Variants in OR8K3 observed in about 807,000 individuals in gnomAD.
OR8K3 encodes olfactory receptor 8K3.
For missense variants in OR8K3, 448 were observed against 367.4 expected, an observed-to-expected ratio of 1.22 and a Z score of -1.79; for synonymous variants, 167 against 138.8, an observed-to-expected ratio of 1.20 and a Z score of -1.43.
rs1478892280 is a variant in OR8K3, at chr11:56,319,900, T to G, written c.*655T>G. Reference sequence around the variant, plus strand: ...AGCTCAATAATCGGTAAATTCTGATTAGCACCTGATTTTGTTTCAGTTAGC... The same window carrying G: ...AGCTCAATAATCGGTAAATTCTGATGAGCACCTGATTTTGTTTCAGTTAGC... On this transcript the variant is annotated 3_prime_UTR_variant, in exon 3 of 3. Transcript: ENST00000641662. 6.6e-6 allele frequency: 1 copy of G among 152,244 alleles called. No homozygotes were observed. The highest frequency in any genetic ancestry group is 1.5e-5 in the Non-Finnish European group (1 of 68,068). The allele number at this position is 152,244 out of a possible 1,614,324, so 9.4% of individuals were successfully genotyped here.
Position 56,318,493 on chromosome 11 carries a change from C to T in OR8K3, c.187C>T (p.Leu63Phe). 6.2e-7 allele frequency: 1 copy of T among 1,614,052 alleles called. No homozygotes were observed. Among genetic ancestry groups the T allele is most frequent in the Non-Finnish European group, 8.5e-7 (1 of 1,179,948 alleles). ...GTTGCAAACCCCTATGTACTTTTTT[C>T]TCAGACATCTGGCTTTCATGGATCT... Reference protein sequence around the residue: ...SRLQTPMYFFLRHLAFMDLGY... With the variant: ...SRLQTPMYFFFRHLAFMDLGY... The change falls in exon 3 of 3, where the codon CTC (leucine) becomes TTC (phenylalanine). Residue 63 changes from leucine to phenylalanine, a missense_variant. Coordinates refer to ENST00000641662, the MANE Select transcript of OR8K3 (RefSeq NM_001005202.2).
rs1854487213 is a variant in OR8K3 at position 56,318,986 on chromosome 11, G to C, written c.680G>C (p.Arg227Thr). 1 of 1,613,962 alleles carries C rather than the reference G, an allele frequency of 6.2e-7. No homozygotes were observed. Among genetic ancestry groups the C allele is most frequent in the Admixed American group, 1.7e-5 (1 of 59,990 alleles). ...SYLLILVAIL[R>T]MNSAGRQKAF... ...CTGCTCATCCTTGTAGCCATTCTCA[G>C]GATGAATTCTGCTGGCAGACAAAAG... Residue 227 changes from arginine to threonine, a missense_variant, in exon 3 of 3, where the codon AGG becomes ACG. Physicochemically the swap from Arg to Thr is moderately conservative, Grantham distance 71. Transcript: ENST00000641662.
intron 2 of OR8K3, among the ~76,000 whole-genome samples, chr11:56,317,843 TAATC>T (rs1565107907): frequency 3.9e-5 from 6 of 152,158 alleles, no homozygotes; most frequent in African/African-American, 1.4e-4. Context: ...TGTTCATCCA[TAATC>T]TATCTATCTA....
intron 1 of OR8K3, among the ~76,000 whole-genome samples, 182 bp from the exon 2 acceptor site, chr11:56,315,818 T>C (rs1010571584): frequency 6.6e-6 from 1 of 151,528 alleles, no homozygotes; most frequent in African/African-American, 2.4e-5. Context: ...GAAAATAAAA[T>C]TAGGAGACTG....
chr11:56,317,759 T>C (rs947857821), intron 2 of OR8K3, among the ~76,000 whole-genome samples: 2 of 152,172 alleles, frequency 1.3e-5, no homozygotes, highest in Non-Finnish European at 2.9e-5. Context: ...TTTTTAACTT[T>C]AAAATTTTTC....
chr11:56,319,144 G>T lies in OR8K3; in HGVS notation c.838G>T (p.Val280Phe). Residue 280 changes from valine to phenylalanine, a missense_variant, in exon 3 of 3, where the codon GTT (valine) becomes TTT (phenylalanine). Val to Phe is a conservative substitution (Grantham distance 50, BLOSUM62 -1). Coordinates refer to ENST00000641662, the MANE Select transcript of OR8K3 (RefSeq NM_001005202.2). The stretch of plus-strand genomic sequence containing the variant: ...AGTGGCTTCCATATTTTACACCCTG[G>T]TTATCCCCATGTTGAATCCCTTGAT... ...DKVASIFYTLVIPMLNPLIYS... is the reference protein window; with the variant it reads ...DKVASIFYTLFIPMLNPLIYS... 2 of 1,613,464 alleles carry T rather than the reference G, an allele frequency of 1.2e-6. No homozygotes were observed. The highest frequency in any genetic ancestry group is 1.7e-6 in the Non-Finnish European group (2 of 1,179,472).
chr11:56,319,125 T>C lies in OR8K3; in HGVS notation c.819T>C (p.Ala273=). The C allele has an allele frequency of 6.2e-7, 1 of 1,613,924 alleles. No homozygotes were observed. Among genetic ancestry groups the C allele is most frequent in the East Asian group, 2.2e-5 (1 of 44,872 alleles). The change falls in exon 3 of 3, where the codon GCT becomes GCC. Residue 273 remains alanine, a synonymous_variant. Coordinates refer to ENST00000641662, the MANE Select transcript of OR8K3 (RefSeq NM_001005202.2). ...SSHSFDTDKV[A]SIFYTLVIPM... The stretch of plus-strand genomic sequence containing the variant: ...ATTCCTTTGACACTGATAAAGTGGC[T>C]TCCATATTTTACACCCTGGTTATCC...
chr11:56,316,448 AT>A (rs1367498616), intron 2 of OR8K3, among the ~76,000 whole-genome samples: 2 of 151,672 alleles, frequency 1.3e-5, no homozygotes, highest in Non-Finnish European at 2.9e-5. Context: ...TTAACTAATA[AT>A]GATTATCTTA....
intron 1 of OR8K3, among the ~76,000 whole-genome samples, chr11:56,315,369 C>T (rs1398142526): frequency 6.6e-6 from 1 of 152,068 alleles, no homozygotes; most frequent in Non-Finnish European, 1.5e-5. Context: ...TTTTCATATG[C>T]TTTTTAAGTA....
Position 56,318,849 on chromosome 11 carries a change from T to C in OR8K3, c.543T>C (p.Ser181=), listed in dbSNP as rs755743476. The change falls in exon 3 of 3, where the codon AGT becomes AGC. Residue 181 remains serine (S), a synonymous_variant. Coordinates refer to ENST00000641662, the MANE Select transcript of OR8K3 (RefSeq NM_001005202.2). ...TCATTAGTCATTTCTACTGTGACAG[T>C]CTCCCTTTGTTACCTTTGCTTTGTT... The part of the protein sequence containing the change: ...YNVISHFYCD[S]LPLLPLLCSN... 1 of 1,614,088 alleles carries C rather than the reference T, an allele frequency of 6.2e-7. No homozygotes were observed. Among genetic ancestry groups the C allele is most frequent in the Admixed American group, 1.7e-5 (1 of 60,024 alleles).
intron 2 of OR8K3, among the ~76,000 whole-genome samples, chr11:56,317,915 C>G (rs1417319028): frequency 1.3e-5 from 2 of 152,022 alleles, no homozygotes; most frequent in Non-Finnish European, 2.9e-5. Context: ...AGTTTCTCAA[C>G]CTTAGCACTA....
chr11:56,319,140 C>G lies in OR8K3; in HGVS notation c.834C>G (p.Thr278=), dbSNP rs757529357. 6.2e-7 allele frequency: 1 copy of G among 1,613,206 alleles called. No homozygotes were observed. Among genetic ancestry groups the G allele is most frequent in the Non-Finnish European group, 8.5e-7 (1 of 1,179,214 alleles). ...DTDKVASIFY[T]LVIPMLNPLI... is the part of the protein sequence containing the mutation. ...ATAAAGTGGCTTCCATATTTTACAC[C>G]CTGGTTATCCCCATGTTGAATCCCT... is the stretch of plus-strand genomic sequence containing the variant. Residue 278 remains threonine, a synonymous_variant, in exon 3 of 3, where the codon ACC becomes ACG. Coordinates refer to ENST00000641662, the MANE Select transcript of OR8K3 (RefSeq NM_001005202.2).
chr11:56,318,344 T>C lies in OR8K3; in HGVS notation c.38T>C (p.Ile13Thr). The change falls in exon 3 of 3, where the codon ATT becomes ACT. Residue 13 changes from isoleucine to threonine, a missense_variant. Ile to Thr is a moderately conservative substitution (Grantham distance 89, BLOSUM62 -1). Transcript: ENST00000641662. ...QHNLTTVNEF[I>T]LTGITDIAEL... is the part of the protein sequence containing the mutation. ...AATCTAACAACGGTGAATGAATTCA[T>C]TCTTACGGGAATCACAGATATCGCT... The C allele has an allele frequency of 6.2e-7, 1 of 1,613,906 alleles. No individual in the cohort carries two copies. The highest frequency in any genetic ancestry group is 8.5e-7 in the Non-Finnish European group (1 of 1,179,804).
At position 56,319,991 on chromosome 11, in the gene OR8K3, T is replaced by A. The variant is rs1854503824; in HGVS notation, c.*746T>A. 2.6e-5 allele frequency: 4 copies of A among 152,224 alleles called. No homozygotes were observed. Among genetic ancestry groups the A allele is most frequent in the Admixed American group, 2.6e-4 (4 of 15,280 alleles). 9.4% of individuals were successfully genotyped at this position (152,224 alleles called of 1,614,324 possible). ...GTTTAGAAGACATCCATAGAAATTC[T>A]CAGGTTTATTCTTTCTCTCTAGTTG... On this transcript the variant is annotated 3_prime_UTR_variant, in exon 3 of 3. Coordinates refer to ENST00000641662, the MANE Select transcript of OR8K3 (RefSeq NM_001005202.2).
In OR8K3 at chr11:56,318,903, T is replaced by A; in HGVS notation, c.597T>A (p.Ile199=). ...ATACACATGAAATTGAATTGATAAT[T>A]CTGATCTTTGCAGCTATTGATTTGA... ...CSNTHEIELI[I]LIFAAIDLIS... Residue 199 remains isoleucine, a synonymous_variant, in exon 3 of 3, where the codon ATT becomes ATA. Transcript: ENST00000641662. 1 of 1,613,996 alleles carries A rather than the reference T, an allele frequency of 6.2e-7. No individual in the cohort carries two copies. Among genetic ancestry groups the A allele is most frequent in the Non-Finnish European group, 8.5e-7 (1 of 1,179,854 alleles).
At chr11:56,317,989 T>C (rs1854467273) in intron 2 of OR8K3, among the ~76,000 whole-genome samples, 1 of 152,120 alleles carries the variant, frequency 6.6e-6, no homozygotes, top group South Asian at 2.1e-4. Flanking sequence ...GTTTAGCAGC[T>C]TACTGGCTTC....
chr11:56,318,674 A>G lies in OR8K3; in HGVS notation c.368A>G (p.Tyr123Cys). Residue 123 changes from tyrosine to cysteine, a missense_variant, in exon 3 of 3, where the codon TAT becomes TGT. By Grantham distance (194) the Tyr-to-Cys change is radical (BLOSUM62 -2). Coordinates refer to ENST00000641662, the MANE Select transcript of OR8K3 (RefSeq NM_001005202.2). ...CTCTCAGCCATGTCCTACGACCTCT[A>G]TGTGGCCATCTGTAACCCTCTGCTA... ...FILSAMSYDL[Y>C]VAICNPLLYT... 6.2e-7 allele frequency: 1 copy of G among 1,613,874 alleles called. No homozygotes were observed. The highest frequency in any genetic ancestry group is 8.5e-7 in the Non-Finnish European group (1 of 1,179,816).
At chr11:56,315,327 A>G (rs1854428436) in intron 1 of OR8K3, among the ~76,000 whole-genome samples, 160 bp downstream of exon 1, 1 of 152,182 alleles carries the variant, frequency 6.6e-6, no homozygotes, top group Non-Finnish European at 1.5e-5. Context: ...CTGTTACTCA[A>G]TAATGCCTAA....
At chr11:56,317,571 T>C (rs1381310572) in intron 2 of OR8K3, among the ~76,000 whole-genome samples, 1 of 152,090 alleles carries the variant, frequency 6.6e-6, no homozygotes, top group African/African-American at 2.4e-5. Context: ...GAGATAAGGG[T>C]ATTCACAGGA....
Sources: allele counts gnomAD v4.1 joint callset (sites outside exome capture counted in the v4.1 genomes callset), GRCh38; gene constraint gnomAD v4.1.1; transcripts MANE v1.5; gene names NCBI Gene and HGNC (gene_info 2026-07-23, HGNC 2026-07-21).